The following COL24A1 variants were observed in gnomAD, a reference collection of about 807,000 sequenced individuals.
The protein encoded by COL24A1 is collagen alpha-1(XXIV) chain.
Under a neutral mutation model 253.9 loss-of-function variants are expected in COL24A1, and 224 were observed. The observed-to-expected ratio is 0.88, with a 90% CI of 0.79 to 0.99. COL24A1 has a LOEUF of 0.99. Ranked by LOEUF, COL24A1 falls within the 50% of genes least tolerant of loss-of-function variation. The pLI is 0.00. For missense variants in COL24A1, 2,131 were observed against 2,068.5 expected, an observed-to-expected ratio of 1.03 and a Z score of -0.59; for synonymous variants, 685 against 673.7, an observed-to-expected ratio of 1.02 and a Z score of -0.26.
chr1:85,794,369 C>T (rs1336034875), intron 47 of COL24A1, among the ~76,000 whole-genome samples: 3 of 152,114 alleles, frequency 2.0e-5, no homozygotes, highest in Admixed American at 6.6e-5. Flanking sequence ...AAACTACTGA[C>T]CACTCTTGAA....
chr1:85,993,204 C>T (rs1259203858), intron 19 of COL24A1, among the ~76,000 whole-genome samples: 1 of 151,968 alleles, frequency 6.6e-6, no homozygotes, highest in Non-Finnish European at 1.5e-5. Context: ...CTAGAGTGTC[C>T]TAACAGAATA....
intron 39 of COL24A1, 103 bp from the exon 40 acceptor site, chr1:85,842,496 A>G (rs950273476): frequency 1.2e-5 from 10 of 815,626 alleles, no homozygotes; most frequent in East Asian, 2.9e-5. Flanking sequence ...TAGATTTTTC[A>G]TGGTTGAAAT....
intron 28 of COL24A1, among the ~76,000 whole-genome samples, chr1:85,904,699 G>T (rs1419450788): frequency 6.6e-6 from 1 of 151,976 alleles, no homozygotes; most frequent in East Asian, 1.9e-4. Context: ...AGTCAATCCT[G>T]TTATCTTTTT....
chr1:86,028,935 G>A (rs1225394727), intron 14 of COL24A1, among the ~76,000 whole-genome samples: 2 of 152,278 alleles, frequency 1.3e-5, no homozygotes, highest in South Asian at 4.1e-4. Context: ...ATGTGGGTAA[G>A]AACTAAACCA....
At chr1:86,071,996 C>A (rs145786522) in intron 7 of COL24A1, among the ~76,000 whole-genome samples, 11 of 152,282 alleles carry the variant, frequency 7.2e-5, no homozygotes, top group African/African-American at 2.4e-4. Context: ...TATGCTTTTC[C>A]CACGGTCTGT....
chr1:86,040,466 T>TC (rs1699392451), intron 12 of COL24A1, among the ~76,000 whole-genome samples: 1 of 73,200 alleles, frequency 1.4e-5, no homozygotes, highest in African/African-American at 5.6e-5. Context: ...CCCTCCCCCC[T>TC]CCCCCCACCC....
chr1:85,814,564 GGCCCTAGCAGGTCCAGAAA>G (rs1306914651), intron 47 of COL24A1, among the ~76,000 whole-genome samples: 1 of 152,088 alleles, frequency 6.6e-6, no homozygotes, highest in Admixed American at 6.5e-5. Flanking sequence ...ATTGAAACTG[GGCCCTAGCAGGTCCAGAAA>G]GCACAGACAA....
chr1:86,071,576 G>C (rs7548696), intron 7 of COL24A1, among the ~76,000 whole-genome samples: 52,559 of 151,812 alleles, frequency 0.35, 9,679 homozygotes, highest in Middle Eastern at 0.5. Flanking sequence ...CAATGGAAAC[G>C]AAAAAAGAGC....
chr1:86,115,721 C>T (rs764699787), intron 3 of COL24A1, among the ~76,000 whole-genome samples: 4 of 152,050 alleles, frequency 2.6e-5, no homozygotes, highest in African/African-American at 7.2e-5. Context: ...TAGGGTTTGG[C>T]GACCAACAAC....
chr1:85,925,157 A>T (rs542117687), intron 24 of COL24A1, among the ~76,000 whole-genome samples: 2,285 of 152,138 alleles, frequency 0.015, 48 homozygotes, highest in African/African-American at 0.052. Context: ...AAACCACTGA[A>T]CAATGAAATA....
Position 85,873,162 on chromosome 1 carries a change from G to A in COL24A1, c.3138+1487C>T, listed in dbSNP as rs568613709. Among the ~76,000 whole-genome samples, 123 of 152,230 alleles carry A rather than the reference G, an allele frequency of 8.1e-4. 1 individual carries two copies. The highest frequency in any genetic ancestry group is 2.4e-3 in the African/African-American group (100 of 41,552). On this transcript the variant is annotated intron_variant, in intron 35 of 59. Transcript: ENST00000370571. ...ACCATCTCACACCAGTTAGAATGGC[G>A]ATCATTAAAAAGTCAGGAAACAACA...
At chr1:86,014,993 T>C (rs1002152495) in intron 19 of COL24A1, among the ~76,000 whole-genome samples, 1 of 152,160 alleles carries the variant, frequency 6.6e-6, no homozygotes. Flanking sequence ...TTTAGCACAA[T>C]GCATAAGACC....
At chr1:85,858,621 C>CTCCTTCCTTCCTTCCTTCTT (rs1553201491) in intron 37 of COL24A1, among the ~76,000 whole-genome samples, 6,753 of 113,328 alleles carry the variant, frequency 0.06, 580 homozygotes, top group East Asian at 0.084. Flanking sequence ...TATTTTCTCC[C>CTCCTTCCTTCCTTCCTTCTT]TCCTTCCTTC....
chr1:86,096,433 A>T (rs898153806), intron 5 of COL24A1, among the ~76,000 whole-genome samples: 1 of 152,038 alleles, frequency 6.6e-6, no homozygotes. Context: ...TCTCAATTAC[A>T]CTCTCCAACC....
chr1:86,089,135 AAAG>A, intron 7 of COL24A1, 36 bp downstream of exon 7: 1 of 1,531,184 alleles, frequency 6.5e-7, no homozygotes, highest in African/African-American at 1.4e-5. Context: ...AAAAAGAAAA[AAAG>A]AAGAAAAAAA....
At chr1:86,073,853 T>A (rs1702048638) in intron 7 of COL24A1, among the ~76,000 whole-genome samples, 1 of 152,176 alleles carries the variant, frequency 6.6e-6, no homozygotes, top group Non-Finnish European at 1.5e-5. Context: ...ACCCAGAATT[T>A]CATATCCAAT....
chr1:86,043,750 T>A (rs965177264), intron 12 of COL24A1, among the ~76,000 whole-genome samples: 3 of 152,060 alleles, frequency 2.0e-5, no homozygotes, highest in Admixed American at 2.0e-4. Context: ...ATGGTCTCGA[T>A]CTCTTGATCT....
intron 11 of COL24A1, among the ~76,000 whole-genome samples, chr1:86,049,617 C>G (rs1405006616): frequency 1.3e-5 from 2 of 152,082 alleles, no homozygotes; most frequent in Non-Finnish European, 2.9e-5. Flanking sequence ...TGCCATAACT[C>G]CCATAATTAA....
chr1:85,896,620 C>G (rs187702359), intron 28 of COL24A1, among the ~76,000 whole-genome samples: 73 of 152,152 alleles, frequency 4.8e-4, no homozygotes, highest in South Asian at 1.0e-3. Context: ...TCAGCCTCCC[C>G]CTGAGTAGCT....
Sources: allele counts gnomAD v4.1 joint callset (sites outside exome capture counted in the v4.1 genomes callset), GRCh38; gene constraint gnomAD v4.1.1; transcripts MANE v1.5; gene names NCBI Gene and HGNC (gene_info 2026-07-23, HGNC 2026-07-21).